Variants in WDR43 observed in about 807,000 individuals in gnomAD.
WDR43 encodes WD repeat domain 43.
A neutral mutation model predicts 91.4 loss-of-function variants in WDR43; 13 were observed. The observed-to-expected ratio is 0.14, with a 90% confidence interval of 0.09 to 0.23. The LOEUF (loss-of-function observed/expected upper bound fraction) is 0.23. Among genes scored for constraint, WDR43 ranks in the 10% least tolerant of loss-of-function variants. The probability of loss-of-function intolerance (pLI) is 1.00; values close to 1 mark genes in which losing one functional copy is unlikely to be tolerated. For synonymous variants in WDR43, 331 were observed against 287.9 expected, an observed-to-expected ratio of 1.15 and a Z score of -1.51; for missense variants, 780 against 809.4, an observed-to-expected ratio of 0.96 and a Z score of 0.44.
intron 1 of WDR43, among the ~76,000 whole-genome samples, chr2:28,898,380 C>T (rs772312260): frequency 4.6e-5 from 7 of 152,200 alleles, no homozygotes; most frequent in Non-Finnish European, 8.8e-5. Context: ...GTCTTGCTAA[C>T]AGTTAAACTT....
chr2:28,928,595 A>G (rs563406352), intron 10 of WDR43, among the ~76,000 whole-genome samples: 1 of 152,336 alleles, frequency 6.6e-6, no homozygotes, highest in South Asian at 2.1e-4. Flanking sequence ...TTTCTTTTTG[A>G]TAACCAAGAG....
chr2:28,944,139 C>G (rs1671497466), intron 16 of WDR43, among the ~76,000 whole-genome samples: 1 of 152,132 alleles, frequency 6.6e-6, no homozygotes, highest in African/African-American at 2.4e-5. Context: ...AATAAAACAA[C>G]ATATCCAAAA....
intron 5 of WDR43, 26 bp from the exon 6 acceptor site, chr2:28,917,867 T>G (rs563574613): frequency 6.4e-7 from 1 of 1,550,940 alleles, no homozygotes; most frequent in African/African-American, 1.4e-5. Context: ...TGTCTTGCTA[T>G]CTAACTTGCT....
At chr2:28,927,824 T>C (rs1035007703) in intron 10 of WDR43, 124 bp downstream of exon 10, 149 of 1,281,396 alleles carry the variant, frequency 1.2e-4, no homozygotes, top group Non-Finnish European at 1.5e-4. Flanking sequence ...TCTCCTGTTA[T>C]GCTCTCTTTT....
At chr2:28,923,011 ATTTG>A (rs755595770) in intron 7 of WDR43, 28 bp downstream of exon 7, 47 of 1,596,998 alleles carry the variant, frequency 2.9e-5, no homozygotes, top group Non-Finnish European at 3.8e-5. Context: ...CAAGTAAGAA[ATTTG>A]TTTCTTTCCC....
chr2:28,935,396 A>G, intron 11 of WDR43, 125 bp from the exon 12 acceptor site: 1 of 594,730 alleles, frequency 1.7e-6, no homozygotes, highest in Non-Finnish European at 2.8e-6. Context: ...TGCTAAATTC[A>G]GTTTGTAGTT....
chr2:28,902,426 C>A (rs139275809), intron 2 of WDR43, among the ~76,000 whole-genome samples: 41 of 152,274 alleles, frequency 2.7e-4, no homozygotes, highest in African/African-American at 9.4e-4. Context: ...ACCTCTTGAC[C>A]TAGGGGAATA....
intron 11 of WDR43, among the ~76,000 whole-genome samples, chr2:28,930,589 C>G (rs928071189): frequency 3.3e-5 from 5 of 151,962 alleles, no homozygotes; most frequent in African/African-American, 1.2e-4. Context: ...TTTTAGTTTA[C>G]CATGGCATAG....
chr2:28,931,935 A>G (rs1050497390), intron 11 of WDR43, among the ~76,000 whole-genome samples: 2 of 143,774 alleles, frequency 1.4e-5, no homozygotes, highest in African/African-American at 5.2e-5. Flanking sequence ...CTGGAAGAGC[A>G]GTGTTGCAAT....
At chr2:28,939,967 C>A (rs1671402970) in intron 14 of WDR43, among the ~76,000 whole-genome samples, 1 of 151,714 alleles carries the variant, frequency 6.6e-6, no homozygotes, top group Non-Finnish European at 1.5e-5. Context: ...ATTAGCCGAG[C>A]GTGATGGCAG....
Position 28,929,646 on chromosome 2 carries a change from A to G in WDR43, c.1373A>G (p.Gln458Arg), listed in dbSNP as rs755452345. Residue 458 changes from glutamine (Q) to arginine (R), a missense_variant, in exon 11 of 18, where the codon CAG becomes CGG. Physicochemically the swap from Gln to Arg is conservative, Grantham distance 43 (BLOSUM62 1). Around this residue, in one of 4 missense-constraint regions of WDR43, gnomAD observed 426 missense variants for 467.8 expected, o/e 0.91. Coordinates refer to ENST00000407426, the MANE Select transcript of WDR43 (RefSeq NM_015131.3). The stretch of plus-strand genomic sequence containing the variant: ...CACAAAAAAGGAAAGGAAGACCTCC[A>G]GACGAATAGCTTTCCAGTTCTTCTT... ...DTHKKGKEDL[Q>R]TNSFPVLLTQ... The G allele has an allele frequency of 6.2e-7, 1 of 1,613,908 alleles. No homozygotes were observed. The highest frequency in any genetic ancestry group is 1.1e-5 in the South Asian group (1 of 91,068).
chr2:28,923,680 C>T (rs1225342816), intron 7 of WDR43, among the ~76,000 whole-genome samples: 1 of 152,102 alleles, frequency 6.6e-6, no homozygotes, highest in Non-Finnish European at 1.5e-5. Flanking sequence ...GATGCCCAAA[C>T]ACTTGATTTT....
chr2:28,933,223 A>C (rs1671281513), intron 11 of WDR43, among the ~76,000 whole-genome samples: 1 of 152,198 alleles, frequency 6.6e-6, no homozygotes, highest in Non-Finnish European at 1.5e-5. Flanking sequence ...TGGAGGAATC[A>C]CCCAGTTGAT....
chr2:28,906,779 A>C (rs887350795), intron 3 of WDR43, among the ~76,000 whole-genome samples, 198 bp downstream of exon 3: 1 of 152,244 alleles, frequency 6.6e-6, no homozygotes, highest in African/African-American at 2.4e-5. Context: ...AAATAAAGCA[A>C]CTGTATGAGA....
chr2:28,921,727 T>C (rs1671029768), intron 6 of WDR43, among the ~76,000 whole-genome samples: 1 of 152,042 alleles, frequency 6.6e-6, no homozygotes, highest in African/African-American at 2.4e-5. Context: ...CTTTTTCTTT[T>C]TTGAGATGGG....
intron 14 of WDR43, among the ~76,000 whole-genome samples, chr2:28,938,522 T>C (rs1219431871): frequency 6.6e-6 from 1 of 152,244 alleles, no homozygotes; most frequent in Non-Finnish European, 1.5e-5. Context: ...TTGGGTTCTT[T>C]GCCACATCAT....
rs373890885 is a variant in WDR43, at chr2:28,942,348, C to G, written c.1771C>G (p.Pro591Ala). 7.6e-5 allele frequency: 122 copies of G among 1,613,350 alleles called. No individual in the cohort carries two copies. The highest frequency in any genetic ancestry group is 1.5e-4 in the Admixed American group (9 of 59,960). Residue 591 changes from proline to alanine, a missense_variant, in exon 16 of 18, where the codon CCT (proline) becomes GCT (alanine). Pro to Ala is a conservative substitution (Grantham distance 27, BLOSUM62 -1). Transcript: ENST00000407426. ...ASEKTKGATS[P>A]GQKAKLVYEE... ...AGAGAAGACAAAGGGAGCAACTTCC[C>G]CTGGACAGAAGGCAAAGTTGGTGTA...
intron 4 of WDR43, 83 bp from the exon 5 acceptor site, chr2:28,913,986 A>C: frequency 6.6e-7 from 1 of 1,512,434 alleles, no homozygotes; most frequent in Non-Finnish European, 9.0e-7. Context: ...TGTATCACAT[A>C]TGGCTTGTTT....
intron 7 of WDR43, 76 bp from the exon 8 acceptor site, chr2:28,924,906 C>T: frequency 1.3e-6 from 2 of 1,530,962 alleles, no homozygotes; most frequent in East Asian, 4.5e-5. Flanking sequence ...CATTTCGTGA[C>T]TTGATGTCAG....
Sources: gnomAD v4.1 joint callset for allele counts (sites outside exome capture counted in the v4.1 genomes callset) on GRCh38, gnomAD v4.1.1 for gene constraint, gnomAD v4.1.1 regional missense constraint, MANE v1.5 for transcripts, NCBI Gene and HGNC (gene_info 2026-07-23, HGNC 2026-07-21) for gene names.